The following VIPR2 variants were observed in gnomAD, a reference collection of about 807,000 sequenced individuals.
VIPR2 encodes the protein vasoactive intestinal peptide receptor 2.
VIPR2 carries 48 observed loss-of-function variants against 58.0 expected under a neutral mutation model. The ratio of observed to expected loss-of-function variants is 0.83; its 90% CI spans 0.66 to 1.05. The LOEUF is 1.05. VIPR2 is among the 50% of genes least tolerant of loss of function. VIPR2 has a pLI of 0.00. For synonymous variants in VIPR2, 243 were observed against 235.2 expected, an observed-to-expected ratio of 1.03 and a Z score of -0.30; for missense variants, 534 against 558.0, an observed-to-expected ratio of 0.96 and a Z score of 0.43.
chr7:159,125,671 A>G (rs12111620), intron 2 of VIPR2, among the ~76,000 whole-genome samples: 2,541 of 152,336 alleles, frequency 0.017, 62 homozygotes, highest in African/African-American at 0.057. Context: ...TATGATTGGC[A>G]GCAGTTTAGC....
intron 2 of VIPR2, among the ~76,000 whole-genome samples, chr7:159,134,870 G>A (rs140496944): frequency 0.095 from 14,355 of 151,840 alleles, 1,168 homozygotes; most frequent in African/African-American, 0.22. Flanking sequence ...TGTTAGCCAG[G>A]ATGGTCTTGA....
chr7:159,123,620 G>A (rs1355871781), intron 2 of VIPR2, among the ~76,000 whole-genome samples: 1 of 152,206 alleles, frequency 6.6e-6, no homozygotes, highest in Non-Finnish European at 1.5e-5. Flanking sequence ...GAACATTCAT[G>A]TGCATGTGTC....
intron 3 of VIPR2, 23 bp from the exon 4 acceptor site, chr7:159,103,877 T>C (rs761509475): frequency 6.3e-7 from 1 of 1,597,224 alleles, no homozygotes; most frequent in South Asian, 1.1e-5. Flanking sequence ...GTTCAGATAT[T>C]TTATCTGCAA....
rs1853733136 is a variant in VIPR2, at chr7:159,033,744, T to C, written c.971+469A>G. 2.0e-5 allele frequency among the ~76,000 whole-genome samples: 3 copies of C among 152,138 alleles called. No homozygotes were observed. In the South Asian group the frequency reaches 6.2e-4, roughly 31 times the overall value. On this transcript the variant is annotated intron_variant, in intron 10 of 12. Transcript: ENST00000262178. ...ACGGCCATGGACACATGGCCATGTC[T>C]GAGGGGGAGACAGAATTAAATGTAA...
chr7:159,140,931 A>C (rs1342222207), intron 2 of VIPR2, among the ~76,000 whole-genome samples: 1 of 145,930 alleles, frequency 6.9e-6, no homozygotes, highest in African/African-American at 2.8e-5. Context: ...AGGCTCCCTC[A>C]AAATCTTTTT....
intron 5 of VIPR2, among the ~76,000 whole-genome samples, chr7:159,051,807 C>T (rs1456708868): frequency 6.6e-6 from 1 of 152,024 alleles, no homozygotes; most frequent in Non-Finnish European, 1.5e-5. Flanking sequence ...CTGATATACT[C>T]CTAATGACAT....
intron 2 of VIPR2, among the ~76,000 whole-genome samples, chr7:159,125,629 G>C (rs1209784177): frequency 6.6e-6 from 1 of 152,220 alleles, no homozygotes; most frequent in Non-Finnish European, 1.5e-5. Flanking sequence ...CCCTAGTTCT[G>C]CTTTCTGGAG....
chr7:159,111,930 G>A (rs897711329), intron 2 of VIPR2, among the ~76,000 whole-genome samples: 2 of 152,104 alleles, frequency 1.3e-5, no homozygotes, highest in African/African-American at 4.8e-5. Flanking sequence ...AGGATCACTT[G>A]AGCCTGGGAG....
At chr7:159,134,864 A>C (rs2129497821) in intron 2 of VIPR2, among the ~76,000 whole-genome samples, 1 of 152,012 alleles carries the variant, frequency 6.6e-6, no homozygotes, top group East Asian at 1.9e-4. Context: ...TCACCGTGTT[A>C]GCCAGGATGG....
chr7:159,121,749 C>A (rs1226619445), intron 2 of VIPR2, among the ~76,000 whole-genome samples: 1 of 152,156 alleles, frequency 6.6e-6, no homozygotes, highest in African/African-American at 2.4e-5. Context: ...AAACAAATGG[C>A]AATGAAATAA....
chr7:159,045,989 A>G (rs1369182148), intron 5 of VIPR2, among the ~76,000 whole-genome samples: 1 of 151,944 alleles, frequency 6.6e-6, no homozygotes, highest in Non-Finnish European at 1.5e-5. Context: ...CAAATGGTCA[A>G]TAAGCACATA....
chr7:159,129,753 C>T (rs1585555782), intron 2 of VIPR2, among the ~76,000 whole-genome samples: 27 of 138,968 alleles, frequency 1.9e-4, no homozygotes, highest in East Asian at 4.7e-4. Flanking sequence ...AGGTGACCAG[C>T]TTCACACTCT....
chr7:159,046,600 A>G (rs1156296543), intron 5 of VIPR2, among the ~76,000 whole-genome samples: 2 of 152,106 alleles, frequency 1.3e-5, no homozygotes, highest in African/African-American at 4.8e-5. Context: ...GGAACTAGCT[A>G]ATGGTGATAG....
At chr7:159,032,892 CG>C (rs556268292) in intron 10 of VIPR2, among the ~76,000 whole-genome samples, 1 of 152,022 alleles carries the variant, frequency 6.6e-6, no homozygotes, top group Non-Finnish European at 1.5e-5. Flanking sequence ...CGATCTTATT[CG>C]GGGGTCTCTG....
chr7:159,133,007 A>ATTGATTTTAGACAGAATGATTGGCATACC (rs1797034625), intron 2 of VIPR2, among the ~76,000 whole-genome samples: 1 of 120,148 alleles, frequency 8.3e-6, no homozygotes, highest in Admixed American at 8.6e-5. Flanking sequence ...ATTGGCATAC[A>ATTGATTTTAGACAGAATGATTGGCATACC]GATTGATTTC....
At position 159,099,774 on chromosome 7, in the gene VIPR2, C is replaced by A. The variant is rs754478007; in HGVS notation, c.357+3983G>T. ...TCCCACCTGGACCTTGAAATCCCCC[C>A]CAGGCCACAGAAGCCCCTGAGACCC... On this transcript the variant is annotated intron_variant, in intron 4 of 12. Transcript: ENST00000262178. This position sits in a 1 kb window ranked among gnomAD's most constrained non-coding sequence, Gnocchi z 4.2. 1.3e-5 allele frequency among the ~76,000 whole-genome samples: 2 copies of A among 152,134 alleles called. No homozygotes were observed. Among genetic ancestry groups the A allele is most frequent in the South Asian group, 2.1e-4 (1 of 4,832 alleles).
chr7:159,080,149 G>A (rs1856830929), intron 4 of VIPR2, among the ~76,000 whole-genome samples: 1 of 152,090 alleles, frequency 6.6e-6, no homozygotes. Context: ...CCAAAGCCTG[G>A]CAGAGACACA....
chr7:159,096,795 C>A lies in VIPR2; in HGVS notation c.357+6962G>T. Reference sequence around the variant, plus strand: ...CCCTGCCTGAGGTCAGTCTCGTGGCCCCCGCAGCAGCCACAGGCCCAGCTC... The same window carrying A: ...CCCTGCCTGAGGTCAGTCTCGTGGCACCCGCAGCAGCCACAGGCCCAGCTC... On this transcript the variant is annotated intron_variant, in intron 4 of 12. Coordinates refer to ENST00000262178, the MANE Select transcript of VIPR2 (RefSeq NM_003382.5). This position sits in a 1 kb window ranked among gnomAD's most constrained non-coding sequence, Gnocchi z 5.5. 7.0e-7 allele frequency: 1 copy of A among 1,429,410 alleles called. No individual in the cohort carries two copies. The allele number at this position is 1,429,410 out of a possible 1,614,324, so 88.5% of individuals were successfully genotyped here. A position where few individuals can be genotyped will look rare whatever the true frequency, so the allele number is the denominator to read the frequency against.
intron 2 of VIPR2, among the ~76,000 whole-genome samples, chr7:159,115,774 A>G (rs1237054485): frequency 6.6e-6 from 1 of 152,200 alleles, no homozygotes; most frequent in Non-Finnish European, 1.5e-5. Flanking sequence ...GAATGGAGGA[A>G]CTCAGGCTGG....
Sources: allele counts gnomAD v4.1 joint callset (sites outside exome capture counted in the v4.1 genomes callset), GRCh38; gene constraint gnomAD v4.1.1; non-coding constraint Gnocchi (gnomAD v3.1); transcripts MANE v1.5; gene names NCBI Gene and HGNC (gene_info 2026-07-23, HGNC 2026-07-21).